The following KIF11 variants were observed in gnomAD, a reference collection of about 807,000 sequenced individuals.
KIF11 encodes the protein kinesin-like protein KIF11.
Under a neutral mutation model 121.0 loss-of-function variants are expected in KIF11, and 9 were observed. That is an observed-to-expected ratio of 0.07 (90% confidence interval 0.04 to 0.13). The LOEUF (loss-of-function observed/expected upper bound fraction) is 0.13. Ranked by LOEUF, KIF11 falls within the 10% of genes least tolerant of loss-of-function variation. The pLI is 1.00. For synonymous variants in KIF11, 408 were observed against 421.0 expected (o/e 0.97, Z 0.38); for missense variants, 846 against 1,217.5 (o/e 0.69, Z 4.54).
chr10:92,609,303 A>AGAGAGAGTGTGTGTGTGT (rs1372794402), intron 5 of KIF11, 82 bp from the exon 6 acceptor site: 1 of 277,472 alleles, frequency 3.6e-6, no homozygotes, highest in Non-Finnish European at 5.2e-6. Context: ...AGAGAGAGAG[A>AGAGAGAGTGTGTGTGTGT]GTGTGTGTGT....
At chr10:92,597,140 G>T in intron 1 of KIF11, 1 of 280,458 alleles carries the variant, frequency 3.6e-6, no homozygotes, top group South Asian at 4.2e-5. Context: ...TTTGTGCAGT[G>T]GGTGGCAATC....
In KIF11 at chr10:92,633,753, A is replaced by G. The variant is rs1844763767; in HGVS notation, c.1833A>G (p.Gln611=). 1.9e-6 allele frequency: 3 copies of G among 1,597,414 alleles called. No homozygotes were observed. Among genetic ancestry groups the G allele is most frequent in the Non-Finnish European group, 2.6e-6 (3 of 1,166,968 alleles). Reference sequence around the variant, plus strand: ...TTTTTAATATGATACTAAAAGAACAATCATTAGCAGCAGAAAGTAAAACTG... The same window carrying G: ...TTTTTAATATGATACTAAAAGAACAGTCATTAGCAGCAGAAAGTAAAACTG... The part of the protein sequence containing the change: ...SQIFNMILKE[Q]SLAAESKTVL... Residue 611 remains glutamine, a synonymous_variant, in exon 14 of 22, where the codon CAA becomes CAG. Transcript: ENST00000260731.
intron 9 of KIF11, among the ~76,000 whole-genome samples, chr10:92,618,720 C>T (rs560454507): frequency 8.6e-5 from 13 of 151,806 alleles, no homozygotes; most frequent in African/African-American, 2.2e-4. Context: ...AATATTACCA[C>T]GGGGATATTG....
At chr10:92,627,327 C>T (rs923474492) in intron 10 of KIF11, among the ~76,000 whole-genome samples, 2 of 152,152 alleles carry the variant, frequency 1.3e-5, no homozygotes, top group African/African-American at 4.8e-5. Flanking sequence ...ATCAGAGACC[C>T]ATTAAAGTGG....
chr10:92,599,662 T>TCTTTTC (rs60674165), intron 1 of KIF11, among the ~76,000 whole-genome samples: 3,124 of 149,184 alleles, frequency 0.021, 50 homozygotes, highest in Admixed American at 0.052. Flanking sequence ...TCTTTTCTTT[T>TCTTTTC]TTTTTTTTTG....
intron 1 of KIF11, among the ~76,000 whole-genome samples, chr10:92,605,428 T>G (rs1434243926): frequency 6.6e-6 from 1 of 152,108 alleles, no homozygotes; most frequent in East Asian, 1.9e-4. Context: ...ATTAGTATTT[T>G]GAACACAAAT....
intron 10 of KIF11, among the ~76,000 whole-genome samples, chr10:92,625,451 C>T (rs989397078): frequency 1.3e-5 from 2 of 151,462 alleles, no homozygotes; most frequent in Admixed American, 6.6e-5. Flanking sequence ...TGGGTTCAAG[C>T]GATTCTCCTG....
In KIF11 at chr10:92,609,123, A is replaced by G; in HGVS notation, c.491A>G (p.Tyr164Cys). ...FSVKVSLLEI[Y>C]NEELFDLLNP... is the part of the protein sequence containing the mutation. ...GTCAAAGTGTCTCTGTTGGAGATCT[A>G]TAATGAAGAGCTTTTTGATCTTCTT... The change falls in exon 5 of 22, where the codon TAT (tyrosine) becomes TGT (cysteine). Residue 164 changes from tyrosine (Y) to cysteine (C), a missense_variant. By Grantham distance (194) the Tyr-to-Cys change is radical (BLOSUM62 -2). This residue lies in a region of KIF11 where 116 missense variants were observed against 285.3 expected (regional missense o/e 0.41). Coordinates refer to ENST00000260731, the MANE Select transcript of KIF11 (RefSeq NM_004523.4). 1.9e-6 allele frequency: 3 copies of G among 1,607,594 alleles called. No individual in the cohort carries two copies. Among genetic ancestry groups the G allele is most frequent in the Non-Finnish European group, 2.5e-6 (3 of 1,176,722 alleles).
In KIF11 at chr10:92,650,477, G is replaced by T. The variant is rs1417347542; in HGVS notation, c.2999G>T (p.Gly1000Val). Residue 1000 changes from glycine (G) to valine (V), a missense_variant, in exon 21 of 22, where the codon GGT (glycine) becomes GTT (valine). Physicochemically the swap from Gly to Val is moderately radical, Grantham distance 109. Transcript: ENST00000260731. ...PLSQEPSVDA[G>V]VDCSSIGGVP... ...AGTCAAGAGCCATCTGTAGATGCTGGTGTGGATTGTTCATCAATTGGCGGG... is the reference window on the plus strand; with the variant it reads ...AGTCAAGAGCCATCTGTAGATGCTGTTGTGGATTGTTCATCAATTGGCGGG... 1.2e-6 allele frequency: 2 copies of T among 1,613,380 alleles called. No individual in the cohort carries two copies. The highest frequency in any genetic ancestry group is 1.1e-5 in the South Asian group (1 of 91,064).
At chr10:92,607,946 G>A (rs1844447332) in intron 4 of KIF11, among the ~76,000 whole-genome samples, 1 of 151,886 alleles carries the variant, frequency 6.6e-6, no homozygotes, top group African/African-American at 2.4e-5. Flanking sequence ...CCTGAGGTCA[G>A]CAGTTCGAGA....
chr10:92,620,025 A>G (rs980117364), intron 9 of KIF11, among the ~76,000 whole-genome samples: 6 of 150,322 alleles, frequency 4.0e-5, no homozygotes, highest in African/African-American at 1.5e-4. Flanking sequence ...AAACTAATTC[A>G]TAAGCAGTAG....
chr10:92,638,481 T>C (rs1253185141), intron 16 of KIF11, among the ~76,000 whole-genome samples: 1 of 152,178 alleles, frequency 6.6e-6, no homozygotes, highest in African/African-American at 2.4e-5. Context: ...TTGAGAACTT[T>C]TTAGGTGTAT....
intron 17 of KIF11, among the ~76,000 whole-genome samples, chr10:92,643,871 C>G (rs1844892998): frequency 6.6e-6 from 1 of 152,124 alleles, no homozygotes. Context: ...TTCTGGAACT[C>G]TAGCTATCAT....
intron 21 of KIF11, among the ~76,000 whole-genome samples, chr10:92,652,368 G>A (rs11187116): frequency 0.088 from 13,299 of 151,912 alleles, 670 homozygotes; most frequent in Middle Eastern, 0.11. Context: ...TTGAACTCCC[G>A]ACCTCAGGTG....
At chr10:92,602,825 CGTGTGTG>C (rs1844386663) in intron 1 of KIF11, among the ~76,000 whole-genome samples, 37 of 122,440 alleles carry the variant, frequency 3.0e-4, no homozygotes, top group African/African-American at 1.2e-3. Context: ...CACACACACA[CGTGTGTG>C]TGTGTGTGTG....
At chr10:92,649,358 C>T (rs186938534) in intron 19 of KIF11, among the ~76,000 whole-genome samples, 2 of 152,160 alleles carry the variant, frequency 1.3e-5, no homozygotes, top group South Asian at 2.1e-4. Flanking sequence ...CCCAGCACTT[C>T]GGGAGGCAAG....
intron 1 of KIF11, among the ~76,000 whole-genome samples, chr10:92,600,796 G>A (rs1314284779): frequency 3.3e-5 from 5 of 151,902 alleles, no homozygotes; most frequent in Non-Finnish European, 4.4e-5. Context: ...CACCACGCCC[G>A]GCCAGATTTT....
Position 92,651,522 on chromosome 10 carries a change from T to A in KIF11, c.3039+1005T>A, listed in dbSNP as rs1424006145. 3.0e-4 allele frequency among the ~76,000 whole-genome samples: 23 copies of A among 76,822 alleles called. 3 individuals carry two copies. The highest frequency in any genetic ancestry group is 2.4e-3 in the South Asian group (6 of 2,466). 50.4% of individuals were successfully genotyped at this position (76,822 alleles called of 152,430 possible). On this transcript the variant is annotated intron_variant, in intron 21 of 21. Coordinates refer to ENST00000260731, the MANE Select transcript of KIF11 (RefSeq NM_004523.4). ...GGCTAATTTTGTTTTTTTTTTTTTTTTTTTTTTTTTTTTTTTTTTTTTTTT... is the reference window on the plus strand; with the variant it reads ...GGCTAATTTTGTTTTTTTTTTTTTTATTTTTTTTTTTTTTTTTTTTTTTTT...
chr10:92,633,267 C>T (rs913528845), intron 13 of KIF11, among the ~76,000 whole-genome samples: 1 of 151,834 alleles, frequency 6.6e-6, no homozygotes, highest in African/African-American at 2.4e-5. Context: ...CTAAGCCAAG[C>T]ACTATACTTT....
Sources: gnomAD v4.1 joint callset for allele counts (sites outside exome capture counted in the v4.1 genomes callset) on GRCh38, gnomAD v4.1.1 for gene constraint, gnomAD v4.1.1 regional missense constraint, MANE v1.5 for transcripts, NCBI Gene and HGNC (gene_info 2026-07-23, HGNC 2026-07-21) for gene names.